Variants in ZDHHC15 observed in about 807,000 individuals in gnomAD.
ZDHHC15 encodes the protein zDHHC palmitoyltransferase 15.
In ZDHHC15, 19 loss-of-function variants were observed where a neutral mutation model predicts 31.7. That is an observed-to-expected ratio of 0.60 (90% CI 0.42 to 0.88). The LOEUF is 0.88. Ranked by LOEUF, ZDHHC15 falls within the 40% of genes least tolerant of loss-of-function variation. ZDHHC15 has a pLI of 0.00. For missense variants in ZDHHC15, 209 were observed against 251.2 expected (o/e 0.83, Z 1.14); for synonymous variants, 103 against 90.0 (o/e 1.14, Z -0.82).
intron 10 of ZDHHC15, among the ~76,000 whole-genome samples, chrX:75,382,075 A>G (rs947214373): frequency 8.9e-6 from 1 of 112,077 alleles, no homozygotes. Context: ...CTAAGCCTAT[A>G]TTAGGTATGT....
chrX:75,400,403 G>C (rs975951578), intron 10 of ZDHHC15, among the ~76,000 whole-genome samples: 4 of 111,515 alleles, frequency 3.6e-5, no homozygotes, highest in African/African-American at 1.3e-4. Flanking sequence ...CTGGTTCTCT[G>C]AAATAAGACA....
chrX:75,406,392 A>C (rs1217839525), intron 10 of ZDHHC15, among the ~76,000 whole-genome samples: 1 of 111,435 alleles, frequency 9.0e-6, no homozygotes, highest in Non-Finnish European at 1.9e-5. Flanking sequence ...AGCAATACAG[A>C]AGACCAATGA....
intron 2 of ZDHHC15, among the ~76,000 whole-genome samples, chrX:75,489,067 C>T (rs2084826644): frequency 1.8e-5 from 2 of 111,841 alleles, no homozygotes; most frequent in South Asian, 7.5e-4. Flanking sequence ...ATTGCCTAGG[C>T]TTGAGTAGGT....
At chrX:75,434,000 G>A (rs934403512) in intron 4 of ZDHHC15, among the ~76,000 whole-genome samples, 3 of 110,991 alleles carry the variant, frequency 2.7e-5, no homozygotes, top group Non-Finnish European at 3.8e-5. Context: ...CAAAGCCAAC[G>A]TTTATTATGC....
chrX:75,462,399 C>T (rs1306811943), intron 3 of ZDHHC15, among the ~76,000 whole-genome samples: 1 of 111,889 alleles, frequency 8.9e-6, no homozygotes, highest in Non-Finnish European at 1.9e-5. Context: ...ATGCAGAACC[C>T]GAACACATCT....
chrX:75,487,329 G>A (rs1311277620), intron 2 of ZDHHC15, among the ~76,000 whole-genome samples: 1 of 112,310 alleles, frequency 8.9e-6, no homozygotes, highest in East Asian at 2.8e-4. Context: ...ATGACTGGGA[G>A]ACCTGAAGAT....
intron 4 of ZDHHC15, among the ~76,000 whole-genome samples, chrX:75,437,082 C>T (rs941274745): frequency 3.6e-5 from 4 of 109,907 alleles, no homozygotes; most frequent in Admixed American, 1.9e-4. Context: ...GGGGTTTCAC[C>T]GTGTTAGCCA....
intron 4 of ZDHHC15, among the ~76,000 whole-genome samples, chrX:75,444,587 T>C (rs1360491195): frequency 1.0e-5 from 1 of 96,159 alleles, no homozygotes; most frequent in African/African-American, 4.0e-5. Context: ...CTGCACGTTA[T>C]GCACATGTAC....
intron 4 of ZDHHC15, among the ~76,000 whole-genome samples, chrX:75,443,139 G>A (rs2083970626): frequency 9.1e-6 from 1 of 110,474 alleles, no homozygotes; most frequent in Non-Finnish European, 1.9e-5. Flanking sequence ...AACCAAAAAA[G>A]ACCCTGCATT....
At chrX:75,439,311 CATA>C (rs2083906161) in intron 4 of ZDHHC15, among the ~76,000 whole-genome samples, 2 of 111,907 alleles carry the variant, frequency 1.8e-5, no homozygotes, top group Non-Finnish European at 3.8e-5. Context: ...TTCAGAATAA[CATA>C]ATCATTTAAC....
intron 3 of ZDHHC15, among the ~76,000 whole-genome samples, chrX:75,452,851 CAT>C (rs1231566750): frequency 6.3e-5 from 7 of 111,877 alleles, no homozygotes; most frequent in Non-Finnish European, 1.1e-4. Flanking sequence ...AAAGACACAA[CAT>C]ACTAGAATCT....
At chrX:75,435,601 T>G (rs1053952263) in intron 4 of ZDHHC15, among the ~76,000 whole-genome samples, 1 of 112,311 alleles carries the variant, frequency 8.9e-6, no homozygotes, top group African/African-American at 3.2e-5. Context: ...GAGATGATCA[T>G]GTGATTTTTG....
intron 4 of ZDHHC15, among the ~76,000 whole-genome samples, chrX:75,439,507 A>T (rs777104114): frequency 1.8e-5 from 2 of 111,557 alleles, no homozygotes; most frequent in Non-Finnish European, 3.8e-5. Flanking sequence ...TTTCATTTCC[A>T]GAAGCTGTGG....
chrX:75,434,984 C>A (rs904976595), intron 4 of ZDHHC15, among the ~76,000 whole-genome samples: 2 of 111,855 alleles, frequency 1.8e-5, no homozygotes, highest in Non-Finnish European at 3.8e-5. Context: ...GATGTGTTTC[C>A]ATTTGTTTAC....
chrX:75,476,452 TAA>T (rs935105556), intron 3 of ZDHHC15, among the ~76,000 whole-genome samples: 1 of 111,337 alleles, frequency 9.0e-6, no homozygotes, highest in Non-Finnish European at 1.9e-5. Flanking sequence ...TGTGTCTTTC[TAA>T]AAGTTTTTCC....
intron 3 of ZDHHC15, among the ~76,000 whole-genome samples, chrX:75,463,191 C>A (rs1239082496): frequency 5.4e-5 from 6 of 110,563 alleles, no homozygotes; most frequent in African/African-American, 2.0e-4. Context: ...TACACCCTCC[C>A]AAGACTGAAC....
Position 75,371,730 on chromosome X carries a change from A to T in ZDHHC15, c.*1248T>A, listed in dbSNP as rs994423937. The T allele has an allele frequency of 1.8e-5, 2 of 111,815 alleles. No individual in the cohort carries two copies. Among genetic ancestry groups the T allele is most frequent in the Admixed American group, 1.9e-4 (2 of 10,479 alleles). The allele number at this position is 111,815 out of a possible 1,213,427, so 9.2% of individuals were successfully genotyped here. ...AGCTGGGCACTAGACTGCTGGATGA[A>T]AAAATGAAAGATATCAATACTCTTA... On this transcript the variant is annotated 3_prime_UTR_variant, in exon 12 of 12. Transcript: ENST00000373367.
rs2083897079 is a variant in ZDHHC15, at chrX:75,438,708, G to T, written c.380-7188C>A. Among the ~76,000 whole-genome samples, 3 of 111,310 alleles carry T rather than the reference G, an allele frequency of 2.7e-5. No homozygotes were observed. In the South Asian group the frequency reaches 1.1e-3, roughly 42 times the overall value. On this transcript the variant is annotated intron_variant, in intron 4 of 11. Coordinates refer to ENST00000373367, the MANE Select transcript of ZDHHC15 (RefSeq NM_144969.3). ...CATTCTATTCATCATGCTAGTTGTT[G>T]CATCAATGCCTTTTTTACATTGTGT...
chrX:75,487,100 A>G (rs1176450206), intron 2 of ZDHHC15, among the ~76,000 whole-genome samples: 1 of 111,856 alleles, frequency 8.9e-6, no homozygotes, highest in Non-Finnish European at 1.9e-5. Context: ...AACTCATAAC[A>G]GAACAACCCT....
Sources: allele counts gnomAD v4.1 joint callset (sites outside exome capture counted in the v4.1 genomes callset), GRCh38; gene constraint gnomAD v4.1.1; transcripts MANE v1.5; gene names NCBI Gene and HGNC (gene_info 2026-07-23, HGNC 2026-07-21).